MAD1L1: variants seen among roughly 807,000 people sequenced by gnomAD.
MAD1L1 encodes the protein mitotic arrest deficient 1 like 1.
A neutral mutation model predicts 96.9 loss-of-function variants in MAD1L1; 95 were observed. The observed-to-expected ratio is 0.98, with a 90% confidence interval of 0.83 to 1.16. The LOEUF (loss-of-function observed/expected upper bound fraction) is 1.16, where lower values mean the gene tolerates loss of function less well. Among genes scored for constraint, MAD1L1 ranks in the 50% most tolerant of loss-of-function variants. The pLI is 0.00. For missense variants in MAD1L1, 1,007 were observed against 954.4 expected, an observed-to-expected ratio of 1.06 and a Z score of -0.73; for synonymous variants, 473 against 396.6, an observed-to-expected ratio of 1.19 and a Z score of -2.29.
chr7:2,137,701 C>A (rs1788821606), intron 11 of MAD1L1, among the ~76,000 whole-genome samples: 1 of 152,208 alleles, frequency 6.6e-6, no homozygotes, highest in African/African-American at 2.4e-5. Context: ...GGTCCCGGGT[C>A]ACCTCAAAGA....
intron 11 of MAD1L1, among the ~76,000 whole-genome samples, chr7:2,069,986 A>C (rs2128529832): frequency 6.6e-6 from 1 of 151,658 alleles, no homozygotes; most frequent in Non-Finnish European, 1.5e-5. Flanking sequence ...ACGTTACCAC[A>C]ATAGCCTCCC....
chr7:1,879,234 T>C (rs920411496), intron 18 of MAD1L1, among the ~76,000 whole-genome samples: 1 of 152,078 alleles, frequency 6.6e-6, no homozygotes, highest in Non-Finnish European at 1.5e-5. Flanking sequence ...GGCAGGTGGA[T>C]TGCCTGAAGT....
At chr7:1,876,179 G>A (rs1481891073) in intron 18 of MAD1L1, among the ~76,000 whole-genome samples, 7 of 152,248 alleles carry the variant, frequency 4.6e-5, no homozygotes, top group Admixed American at 1.3e-4. Context: ...TCTCTGTAAC[G>A]TACTTATGCG....
At chr7:1,950,398 G>A (rs1396781313) in intron 16 of MAD1L1, among the ~76,000 whole-genome samples, 2 of 152,174 alleles carry the variant, frequency 1.3e-5, no homozygotes, top group Non-Finnish European at 2.9e-5. Flanking sequence ...AAGCTCCCCT[G>A]ACCTCAGGCC....
chr7:1,894,632 A>T (rs1786752408), intron 18 of MAD1L1, among the ~76,000 whole-genome samples: 1 of 152,084 alleles, frequency 6.6e-6, no homozygotes, highest in Admixed American at 6.5e-5. Context: ...CTAAAGGCCC[A>T]TATCCAGCAG....
At chr7:1,850,273 C>T (rs563046991) in intron 18 of MAD1L1, among the ~76,000 whole-genome samples, 4 of 152,296 alleles carry the variant, frequency 2.6e-5, no homozygotes, top group East Asian at 3.9e-4. Flanking sequence ...TCTGGACCCA[C>T]GCCTCCAGGC....
chr7:2,076,469 C>G (rs1411392570), intron 11 of MAD1L1, among the ~76,000 whole-genome samples: 1 of 152,254 alleles, frequency 6.6e-6, no homozygotes, highest in African/African-American at 2.4e-5. Context: ...AGCTCCACAG[C>G]TGTGAGAAAC....
At chr7:1,971,593 G>A (rs1482092382) in intron 15 of MAD1L1, among the ~76,000 whole-genome samples, 1 of 152,048 alleles carries the variant, frequency 6.6e-6, no homozygotes, top group African/African-American at 2.4e-5. Flanking sequence ...AGTTAAAGAC[G>A]GTAGCTTGAA....
chr7:2,139,017 A>G (rs751611501), intron 11 of MAD1L1, among the ~76,000 whole-genome samples: 5 of 152,154 alleles, frequency 3.3e-5, no homozygotes, highest in Non-Finnish European at 7.4e-5. Flanking sequence ...GAGAGGCCCA[A>G]GGTCCCAGCA....
intron 13 of MAD1L1, among the ~76,000 whole-genome samples, chr7:2,006,719 C>T (rs533720829): frequency 3.0e-4 from 46 of 152,054 alleles, no homozygotes; most frequent in Non-Finnish European, 5.0e-4. Context: ...ACAGGAGAGG[C>T]GAGGCAGGAC....
chr7:1,969,767 A>T (rs2128479188), intron 15 of MAD1L1, among the ~76,000 whole-genome samples: 2 of 152,382 alleles, frequency 1.3e-5, no homozygotes, highest in Middle Eastern at 3.4e-3. Flanking sequence ...TTCCATTCAT[A>T]ACAGCATCAA....
chr7:1,824,357 T>C (rs370359635), intron 18 of MAD1L1, among the ~76,000 whole-genome samples: 3 of 51,618 alleles, frequency 5.8e-5, no homozygotes, highest in African/African-American at 1.3e-4. Flanking sequence ...ACACCTCTCT[T>C]GAGCCTGGTC....
At chr7:2,066,301 C>T (rs1701442757) in intron 12 of MAD1L1, among the ~76,000 whole-genome samples, 1 of 152,226 alleles carries the variant, frequency 6.6e-6, no homozygotes, top group Admixed American at 6.5e-5. Flanking sequence ...CTGAGGTGGG[C>T]ACTGGCCGAC....
intron 17 of MAD1L1, among the ~76,000 whole-genome samples, chr7:1,917,370 A>G (rs1335505490): frequency 6.6e-6 from 1 of 152,114 alleles, no homozygotes; most frequent in African/African-American, 2.4e-5. Context: ...ACCCCTGACC[A>G]GAGATAAGGA....
intron 17 of MAD1L1, among the ~76,000 whole-genome samples, chr7:1,935,481 T>G (rs1371371511): frequency 6.6e-6 from 1 of 152,246 alleles, no homozygotes; most frequent in East Asian, 1.9e-4. Flanking sequence ...AGCCCCTACC[T>G]GCCGGCAGGG....
chr7:1,853,940 G>C (rs1784110005), intron 18 of MAD1L1, among the ~76,000 whole-genome samples: 1 of 152,172 alleles, frequency 6.6e-6, no homozygotes, highest in Admixed American at 6.5e-5. Context: ...GCCATCTTTT[G>C]GTCATTTATC....
intron 10 of MAD1L1, among the ~76,000 whole-genome samples, chr7:2,211,446 A>G (rs935041690): frequency 3.3e-5 from 5 of 152,180 alleles, no homozygotes; most frequent in African/African-American, 1.2e-4. Context: ...CCCGACTGAC[A>G]CCCAGTGCTC....
At chr7:1,944,658 C>A (rs1779148176) in intron 16 of MAD1L1, among the ~76,000 whole-genome samples, 2 of 152,206 alleles carry the variant, frequency 1.3e-5, no homozygotes, top group South Asian at 4.1e-4. Flanking sequence ...TCCCTGCCCC[C>A]AAGACCCTCC....
At chr7:1,938,740 GCGCACGCACACACACACACA>G (rs1778748631) in intron 16 of MAD1L1, among the ~76,000 whole-genome samples, 1 of 85,974 alleles carries the variant, frequency 1.2e-5, no homozygotes. Flanking sequence ...GGCCAGAGGC[GCGCACGCACACACACACACA>G]CACACACACG....
Sources: allele counts gnomAD v4.1 joint callset (sites outside exome capture counted in the v4.1 genomes callset), GRCh38; gene constraint gnomAD v4.1.1; transcripts MANE v1.5; gene names NCBI Gene and HGNC (gene_info 2026-07-23, HGNC 2026-07-21).